Variants in NUDT16L1 observed in about 807,000 individuals in gnomAD.
NUDT16L1 encodes tudor-interacting repair regulator protein.
Under a neutral mutation model 17.3 loss-of-function variants are expected in NUDT16L1, and 19 were observed. The observed-to-expected ratio is 1.10, with a 90% CI of 0.77 to 1.61. The LOEUF (loss-of-function observed/expected upper bound fraction) is 1.61, where lower values mean the gene tolerates loss of function less well. Among genes scored for constraint, NUDT16L1 ranks in the 40% most tolerant of loss-of-function variants. The pLI is 0.00. For synonymous variants in NUDT16L1, 255 were observed against 138.6 expected, an observed-to-expected ratio of 1.84 and a Z score of -5.90; for missense variants, 341 against 292.0, an observed-to-expected ratio of 1.17 and a Z score of -1.22.
At chr16:4,693,617 CG>C (rs2079473409), upstream of NUDT16L1, 2 of 1,231,902 alleles carry the variant, frequency 1.6e-6, no homozygotes, top group Non-Finnish European at 2.1e-6. Context: ...CGGCGATTGG[CG>C]GGGGAACCGG....
At chr16:4,693,993 G>A (rs1596329217) in exon 2 of NUDT16L1, 1 of 1,579,012 alleles carries the variant, frequency 6.3e-7, no homozygotes, top group African/African-American at 1.4e-5. Flanking sequence ...GATGCGTTTC[G>A]ACGGGCTGCT....
At chr16:4,693,765 C>T (rs1405756518) in exon 1 of NUDT16L1, 2 of 1,561,806 alleles carry the variant, frequency 1.3e-6, no homozygotes, top group Admixed American at 1.8e-5. Context: ...AGCAGATCAG[C>T]CGGGTGGAGG....
chr16:4,695,413 C>T (rs1172588118), exon 3 of NUDT16L1: 7 of 596,138 alleles, frequency 1.2e-5, no homozygotes, highest in Non-Finnish European at 2.1e-5. Flanking sequence ...CCTGCCTCTC[C>T]AGCCTCAGGA....
chr16:4,693,722 C>T (rs778409833), exon 1 of NUDT16L1: 10 of 1,520,954 alleles, frequency 6.6e-6, no homozygotes, highest in Admixed American at 2.1e-5. Context: ...GGGGTCAGTG[C>T]CAAGATGTCG....
intron 1 of NUDT16L1, 44 bp from the exon 2 acceptor site, chr16:4,693,934 G>A (rs1268342017): frequency 4.6e-6 from 7 of 1,505,894 alleles, no homozygotes; most frequent in Middle Eastern, 1.8e-4. Context: ...GCCCGGGCGG[G>A]GGCGTCCGTC....
chr16:4,693,735 G>T (rs761486794), exon 1 of NUDT16L1: 2 of 1,536,998 alleles, frequency 1.3e-6, no homozygotes, highest in Non-Finnish European at 8.7e-7. Flanking sequence ...AGATGTCGAC[G>T]GCGGCGGTTC....
chr16:4,694,205 C>A (rs368112713), exon 2 of NUDT16L1: 661 of 1,543,808 alleles, frequency 4.3e-4, no homozygotes, highest in Admixed American at 1.1e-3. Context: ...CCGTGGAGAT[C>A]AGCGCGGTGC....
intron 2 of NUDT16L1, chr16:4,694,442 C>T (rs1596329697): frequency 1.3e-6 from 2 of 1,516,544 alleles, no homozygotes; most frequent in African/African-American, 1.4e-5. Context: ...CGCTGGGGCT[C>T]CCTCAGGGCT....
chr16:4,695,679 T>A (rs2079526404), exon 3 of NUDT16L1: 1 of 404,402 alleles, frequency 2.5e-6, no homozygotes, highest in Non-Finnish European at 4.4e-6. Flanking sequence ...GTTGTTGGAT[T>A]TACTTTGCTA....
chr16:4,694,465 C>G (rs2079488451), intron 2 of NUDT16L1: 12 of 1,524,668 alleles, frequency 7.9e-6, no homozygotes, highest in Non-Finnish European at 1.8e-6. Flanking sequence ...GTTACATCCG[C>G]CTTGCTGCCT....
Position 4,693,801 on chromosome 16 carries a change from C to T in NUDT16L1, c.75C>T (p.Ser25=), listed in dbSNP as rs753141711. Residue 25 remains serine (S), a synonymous_variant, in exon 1 of 3, where the codon AGC becomes AGT. Coordinates refer to ENST00000304301, the Ensembl canonical transcript of NUDT16L1. The stretch of plus-strand genomic sequence containing the variant: ...CGATGCGCCTAGGGCCGGGCTGGAG[C>T]CACTCGTGCCACGCCATGCTGTACG... 7.2e-5 allele frequency: 113 copies of T among 1,571,958 alleles called. 1 individual carries two copies. The highest frequency in any genetic ancestry group is 1.0e-5 in the Non-Finnish European group (12 of 1,163,724).
rs370224467 is a variant in NUDT16L1, at chr16:4,693,899, C to G, written c.153+20C>G. The G allele has an allele frequency of 3.4e-6, 5 of 1,481,572 alleles. No homozygotes were observed. The highest frequency in any genetic ancestry group is 3.6e-6 in the Non-Finnish European group (4 of 1,124,904). 91.8% of individuals were successfully genotyped at this position (1,481,572 alleles called of 1,614,324 possible). ...GTGCTGGTGAGGACGGGCGAGGGCGCGGGCGAGGGTGCCGGCGCGGGCGGG... is the reference window on the plus strand; with the variant it reads ...GTGCTGGTGAGGACGGGCGAGGGCGGGGGCGAGGGTGCCGGCGCGGGCGGG... On this transcript the variant is annotated intron_variant, in intron 1 of 2. Transcript: ENST00000304301.
chr16:4,694,620 T>C (rs1245966351), intron 2 of NUDT16L1: 15 of 1,426,388 alleles, frequency 1.1e-5, no homozygotes, highest in Non-Finnish European at 1.4e-5. Context: ...GTGAAGGCTC[T>C]TGGGATTTGT....
Position 4,694,894 on chromosome 16 carries a change from C to T in NUDT16L1, c.415-64C>T, listed in dbSNP as rs368228172. On this transcript the variant is annotated intron_variant, in intron 2 of 2. Transcript: ENST00000304301. Reference sequence around the variant, plus strand: ...ACCCTGGCCTCATAGCTTCCAGGCCCCTCCTGCTGGAGGTGCCATTGTGTG... The same window carrying T: ...ACCCTGGCCTCATAGCTTCCAGGCCTCTCCTGCTGGAGGTGCCATTGTGTG... 2.1e-4 allele frequency: 319 copies of T among 1,539,444 alleles called. 3 individuals are homozygous for T. In the South Asian group the frequency reaches 3.2e-3, roughly 15 times the overall value.
At chr16:4,694,202 G>A (rs2079483970) in exon 2 of NUDT16L1, 3 of 1,552,758 alleles carry the variant, frequency 1.9e-6, no homozygotes, top group South Asian at 2.3e-5. Context: ...ACGCCGTGGA[G>A]ATCAGCGCGG....
Position 4,694,395 on chromosome 16 carries a change from G to A in NUDT16L1, c.414+157G>A. The A allele has an allele frequency of 2.0e-6, 3 of 1,486,068 alleles. No homozygotes were observed. The African/African-American group carries it at 4.2e-5, about 21-fold the overall frequency. 92.1% of individuals were successfully genotyped at this position (1,486,068 alleles called of 1,614,324 possible). Reference sequence around the variant, plus strand: ...GGGGTGGGGAGAGGGGTCTGGGGCTGGGAGGCCGGGAAAGGAGGGGCGGGG... The same window carrying A: ...GGGGTGGGGAGAGGGGTCTGGGGCTAGGAGGCCGGGAAAGGAGGGGCGGGG... On this transcript the variant is annotated intron_variant, in intron 2 of 2. Coordinates refer to ENST00000304301, the Ensembl canonical transcript of NUDT16L1.
chr16:4,693,894 G>A lies in NUDT16L1; in HGVS notation c.153+15G>A. The A allele has an allele frequency of 2.7e-6, 4 of 1,489,364 alleles. No homozygotes were observed. Among genetic ancestry groups the A allele is most frequent in the Non-Finnish European group, 3.5e-6 (4 of 1,128,516 alleles). 92.3% of individuals were successfully genotyped at this position (1,489,364 alleles called of 1,614,324 possible). A position where few individuals can be genotyped will look rare whatever the true frequency, so the allele number is the denominator to read the frequency against. ...TCTCGGTGCTGGTGAGGACGGGCGAGGGCGCGGGCGAGGGTGCCGGCGCGG... is the reference window on the plus strand; with the variant it reads ...TCTCGGTGCTGGTGAGGACGGGCGAAGGCGCGGGCGAGGGTGCCGGCGCGG... On this transcript the variant is annotated intron_variant, in intron 1 of 2. Transcript: ENST00000304301.
exon 2 of NUDT16L1, chr16:4,694,100 C>G (rs749672360): frequency 1.3e-6 from 2 of 1,591,094 alleles, no homozygotes; most frequent in Non-Finnish European, 1.7e-6. Flanking sequence ...TGCGCCTCAC[C>G]GAGGCCGACT....
At chr16:4,693,668 C>CG, upstream of NUDT16L1, 1 of 1,362,612 alleles carries the variant, frequency 7.3e-7, no homozygotes. Context: ...CGAGGCACGG[C>CG]GGGGGCGGGC....
Sources: gnomAD v4.1 joint callset for allele counts on GRCh38, gnomAD v4.1.1 for gene constraint, MANE v1.5 for transcripts, NCBI Gene and HGNC (gene_info 2026-07-23, HGNC 2026-07-21) for gene names.